MYO1F: variants seen among roughly 807,000 people sequenced by gnomAD.
The protein encoded by MYO1F is myosin IF.
Under a neutral mutation model 146.6 loss-of-function variants are expected in MYO1F, and 60 were observed. The observed-to-expected ratio is 0.41, with a 90% CI of 0.33 to 0.51. MYO1F has a LOEUF of 0.51. Ranked by LOEUF, MYO1F falls within the 20% of genes least tolerant of loss-of-function variation. The pLI is 0.25. For missense variants in MYO1F, 1,274 were observed against 1,534.3 expected (o/e 0.83, Z 2.83); for synonymous variants, 602 against 602.1 (o/e 1.00, Z 0.00).
At chr19:8,571,829 C>G (rs2042115530) in intron 1 of MYO1F, among the ~76,000 whole-genome samples, 1 of 151,864 alleles carries the variant, frequency 6.6e-6, no homozygotes, top group African/African-American at 2.4e-5. Flanking sequence ...GATCTCCTGA[C>G]CTCATGATCT....
At chr19:8,574,530 C>CCTTCCTTTCTTTCTTTCTTT (rs2042167802) in intron 1 of MYO1F, among the ~76,000 whole-genome samples, 1 of 118,992 alleles carries the variant, frequency 8.4e-6, no homozygotes, top group Non-Finnish European at 1.8e-5. Context: ...TTCTTTTTTC[C>CCTTCCTTTCTTTCTTTCTTT]CTTTCTTTCT....
At chr19:8,550,803 G>T (rs1973573073) in intron 8 of MYO1F, 109 bp from the exon 9 acceptor site, 3 of 1,477,686 alleles carry the variant, frequency 2.0e-6, no homozygotes, top group Admixed American at 1.8e-5. Context: ...AGCACCCTTG[G>T]GTCCCTGTCC....
intron 25 of MYO1F, among the ~76,000 whole-genome samples, chr19:8,523,783 T>C (rs1253310597): frequency 1.3e-5 from 2 of 152,030 alleles, no homozygotes; most frequent in East Asian, 3.9e-4. Context: ...GCCTCCTAAA[T>C]AGCTGGGACT....
At position 8,548,670 on chromosome 19, in the gene MYO1F, G is replaced by A. The variant is rs570201236; in HGVS notation, c.1102-353C>T. Among the ~76,000 whole-genome samples the A allele has an allele frequency of 8.1e-5, 12 of 148,398 alleles. No homozygotes were observed. In the East Asian group the frequency reaches 1.6e-3, roughly 20 times the overall value. On this transcript the variant is annotated intron_variant, in intron 10 of 27. Coordinates refer to ENST00000644032, the MANE Select transcript of MYO1F (RefSeq NM_012335.4). ...GGCTGGAGTGCAGTGGCATGATCTCGGCTCACTGCAAGCTCCGCCTCCAGG... is the reference window on the plus strand; with the variant it reads ...GGCTGGAGTGCAGTGGCATGATCTCAGCTCACTGCAAGCTCCGCCTCCAGG...
rs1404294942 is a variant in MYO1F at position 8,550,301 on chromosome 19, C to T, written c.960G>A (p.Lys320=). ...GGCTGTCCATCTTGCGGCTGGTCAGCTTCTCCTGCAGTCGCCCGCTGTCAA... is the reference window on the plus strand; with the variant it reads ...GGCTGTCCATCTTGCGGCTGGTCAGTTTCTCCTGCAGTCGCCCGCTGTCAA... The part of the protein sequence containing the change: ...LGIDSGRLQE[K]LTSRKMDSRW... Residue 320 remains lysine, a synonymous_variant, in exon 10 of 28, where the codon AAG becomes AAA. Transcript: ENST00000644032. 4 of 1,613,918 alleles carry T rather than the reference C, an allele frequency of 2.5e-6. No homozygotes were observed. Among genetic ancestry groups the T allele is most frequent in the South Asian group, 2.2e-5 (2 of 91,076 alleles).
chr19:8,542,033 C>A, intron 14 of MYO1F, 42 bp from the exon 15 acceptor site: 1 of 1,526,870 alleles, frequency 6.5e-7, no homozygotes, highest in East Asian at 2.3e-5. Context: ...ACTGAGAAAC[C>A]TGGCTGGGAG....
At chr19:8,548,754 C>G (rs750031021) in intron 10 of MYO1F, among the ~76,000 whole-genome samples, 2 of 151,814 alleles carry the variant, frequency 1.3e-5, no homozygotes, top group Non-Finnish European at 2.9e-5. Context: ...GGGCCTGCCA[C>G]CACGCCCGGC....
chr19:8,545,867 T>C (rs1218579610), intron 12 of MYO1F, 131 bp from the exon 13 acceptor site: 1 of 734,434 alleles, frequency 1.4e-6, no homozygotes, highest in Non-Finnish European at 2.5e-6. Context: ...CACTCCTATG[T>C]GGGCAAGGCT....
chr19:8,549,745 TCCATCCACCTCAGCCTC>T, intron 10 of MYO1F: 1 of 228,346 alleles, frequency 4.4e-6, no homozygotes, highest in Non-Finnish European at 8.8e-6. Context: ...CCTCAAGTGA[TCCATCCACCTCAGCCTC>T]CCAAAGTGCT....
chr19:8,560,742 A>ATT (rs71175875), intron 1 of MYO1F, among the ~76,000 whole-genome samples: 2,563 of 133,876 alleles, frequency 0.019, 116 homozygotes, highest in African/African-American at 0.064. Flanking sequence ...CGCCTGGCTA[A>ATT]TTTTTTTTTT....
chr19:8,541,292 A>ATTC, intron 15 of MYO1F, among the ~76,000 whole-genome samples: 1 of 149,144 alleles, frequency 6.7e-6, no homozygotes, highest in South Asian at 2.1e-4. Context: ...GGCTAGGGAG[A>ATTC]TTCTGCACTG....
intron 14 of MYO1F, among the ~76,000 whole-genome samples, chr19:8,542,525 C>T (rs1182596754): frequency 6.6e-6 from 1 of 151,726 alleles, no homozygotes; most frequent in Admixed American, 6.6e-5. Flanking sequence ...TTAGGGCCCT[C>T]TGTAGTTCTG....
chr19:8,530,254 C>A lies in MYO1F; in HGVS notation c.2270G>T (p.Gly757Val), dbSNP rs761986294. The change falls in exon 21 of 28, where the codon GGC becomes GTC. Residue 757 changes from glycine (G) to valine (V), a missense_variant. Physicochemically the swap from Gly to Val is moderately radical, Grantham distance 109. Around this residue, in one of 2 missense-constraint regions of MYO1F, gnomAD observed 900 missense variants for 1,155.1 expected, o/e 0.78. Transcript: ENST00000644032. The surrounding 1 kb of genome is among the most constrained non-coding windows in gnomAD (Gnocchi z 5.8). ...GGCGAAGTCCACCCGCTCCCTCTTG[C>A]CCAGGAACTGACGCAGCTCGGGCCG... ...EERPELRQFL[G>V]KRERVDFADS... 2 of 1,614,002 alleles carry A rather than the reference C, an allele frequency of 1.2e-6. No individual in the cohort carries two copies. The highest frequency in any genetic ancestry group is 1.3e-5 in the African/African-American group (1 of 74,904).
intron 1 of MYO1F, among the ~76,000 whole-genome samples, chr19:8,563,369 C>T (rs1600041627): frequency 6.6e-6 from 1 of 150,426 alleles, no homozygotes; most frequent in East Asian, 2.0e-4. Context: ...GAGATCTCAG[C>T]TCACTGCAAC....
chr19:8,557,051 C>T (rs1243809814), intron 1 of MYO1F, among the ~76,000 whole-genome samples: 6 of 151,824 alleles, frequency 4.0e-5, no homozygotes, highest in Admixed American at 2.0e-4. Context: ...TTTGGGAGGC[C>T]GAGGCGGGAG....
At chr19:8,567,605 C>T (rs183194141) in intron 1 of MYO1F, among the ~76,000 whole-genome samples, 187 of 152,252 alleles carry the variant, frequency 1.2e-3, no homozygotes, top group Non-Finnish European at 2.2e-3. Context: ...GATCCTCCCA[C>T]CTCGGCCTCG....
chr19:8,575,654 G>A (rs1038729830), intron 1 of MYO1F, among the ~76,000 whole-genome samples: 38 of 152,044 alleles, frequency 2.5e-4, no homozygotes, highest in Admixed American at 2.0e-3. Context: ...ATCCTTCAGC[G>A]ATCTTCCTGG....
At chr19:8,555,857 C>T (rs377451588) in intron 1 of MYO1F, 61 bp from the exon 2 acceptor site, 56 of 1,525,490 alleles carry the variant, frequency 3.7e-5, no homozygotes, top group African/African-American at 2.7e-4. Flanking sequence ...CCTGGCTCAC[C>T]GACGCTATCA....
intron 1 of MYO1F, chr19:8,576,912 A>G: frequency 9.2e-6 from 3 of 326,666 alleles, no homozygotes; most frequent in Non-Finnish European, 1.7e-5. Context: ...AACCGGGGCC[A>G]AGAGAGGGGA....
Sources: gnomAD v4.1 joint callset for allele counts (sites outside exome capture counted in the v4.1 genomes callset) on GRCh38, gnomAD v4.1.1 for gene constraint, gnomAD v4.1.1 regional missense constraint, Gnocchi (gnomAD v3.1) non-coding constraint, MANE v1.5 for transcripts, NCBI Gene and HGNC (gene_info 2026-07-23, HGNC 2026-07-21) for gene names.